USP47: variants seen among roughly 807,000 people sequenced by gnomAD.
USP47 encodes the protein ubiquitin specific peptidase 47.
USP47 carries 35 observed loss-of-function variants against 165.1 expected under a neutral mutation model. The ratio of observed to expected loss-of-function variants is 0.21; its 90% CI spans 0.16 to 0.28. The LOEUF (loss-of-function observed/expected upper bound fraction) is 0.28, where lower values mean the gene tolerates loss of function less well. Ranked by LOEUF, USP47 falls within the 10% of genes least tolerant of loss-of-function variation. The probability of loss-of-function intolerance (pLI) is 1.00; values close to 1 mark genes in which losing one functional copy is unlikely to be tolerated. For missense variants in USP47, 1,277 were observed against 1,607.4 expected (o/e 0.79, Z 3.52); for synonymous variants, 531 against 544.5 (o/e 0.98, Z 0.35).
At chr11:11,936,954 T>C (rs1855116533) in intron 17 of USP47, among the ~76,000 whole-genome samples, 2 of 152,052 alleles carry the variant, frequency 1.3e-5, no homozygotes, top group South Asian at 4.1e-4. Context: ...GAAGGGTGGA[T>C]TCATTATCCC....
chr11:11,933,655 A>G (rs1854838934), intron 15 of USP47, among the ~76,000 whole-genome samples, 176 bp from the exon 16 acceptor site: 1 of 152,052 alleles, frequency 6.6e-6, no homozygotes, highest in African/African-American at 2.4e-5. Context: ...GAATTTTTGT[A>G]TGGTGTGAGA....
intron 20 of USP47, among the ~76,000 whole-genome samples, chr11:11,946,970 A>C (rs1411301014): frequency 6.6e-6 from 1 of 152,218 alleles, no homozygotes; most frequent in Non-Finnish European, 1.5e-5. Flanking sequence ...TTGGTTTACC[A>C]GGAGTGTTTT....
At chr11:11,905,283 AT>A in intron 7 of USP47, 115 bp from the exon 8 acceptor site, 1 of 485,274 alleles carries the variant, frequency 2.1e-6, no homozygotes, top group South Asian at 9.5e-5. Flanking sequence ...GTTTTCAAAG[AT>A]TTTAGCTGTA....
intron 5 of USP47, among the ~76,000 whole-genome samples, chr11:11,901,873 C>T (rs1475459037): frequency 6.6e-6 from 1 of 150,664 alleles, no homozygotes; most frequent in African/African-American, 2.4e-5. Context: ...ACAGGAGAAT[C>T]GCTTAAAACC....
chr11:11,905,629 AG>A, intron 8 of USP47, 81 bp downstream of exon 8: 1 of 1,330,778 alleles, frequency 7.5e-7, no homozygotes, highest in African/African-American at 1.5e-5. Context: ...TTGTAAGGTA[AG>A]TATCATCCTA....
intron 20 of USP47, among the ~76,000 whole-genome samples, chr11:11,947,658 A>G (rs532123410): frequency 5.9e-5 from 9 of 151,940 alleles, no homozygotes; most frequent in African/African-American, 1.7e-4. Flanking sequence ...CTAGAAGTGT[A>G]TATATTTTAA....
In USP47 at chr11:11,956,052, G is replaced by C; in HGVS notation, c.3945G>C (p.Leu1315=). ...TGACAGATGAGCAAAGAAATGAACTGATGAAAAAAGAAAGCAGTCGACTCC... is the reference window on the plus strand; with the variant it reads ...TGACAGATGAGCAAAGAAATGAACTCATGAAAAAAGAAAGCAGTCGACTCC... ...MELTDEQRNE[L]MKKESSRLQK... The change falls in exon 28 of 28, where the codon CTG becomes CTC. Residue 1315 remains leucine (L), a synonymous_variant. Transcript: ENST00000527733. 1 of 1,602,012 alleles carries C rather than the reference G, an allele frequency of 6.2e-7. No homozygotes were observed. Among genetic ancestry groups the C allele is most frequent in the Non-Finnish European group, 8.5e-7 (1 of 1,176,496 alleles).
At chr11:11,946,831 C>T (rs1855877456) in intron 20 of USP47, among the ~76,000 whole-genome samples, 1 of 152,178 alleles carries the variant, frequency 6.6e-6, no homozygotes, top group Non-Finnish European at 1.5e-5. Flanking sequence ...ATACTTTCTT[C>T]TAATTTGTTC....
intron 1 of USP47, among the ~76,000 whole-genome samples, chr11:11,859,593 T>G (rs890668372): frequency 1.3e-5 from 2 of 152,206 alleles, no homozygotes; most frequent in African/African-American, 4.8e-5. Flanking sequence ...GTTCCTCATC[T>G]GATGAAATTC....
intron 11 of USP47, 60 bp downstream of exon 11, chr11:11,922,951 T>C: frequency 6.6e-7 from 1 of 1,511,404 alleles, no homozygotes; most frequent in Non-Finnish European, 9.1e-7. Flanking sequence ...ACTTCCTATA[T>C]AATTCTATAG....
chr11:11,912,758 T>G (rs1853095575), intron 8 of USP47, among the ~76,000 whole-genome samples: 1 of 152,082 alleles, frequency 6.6e-6, no homozygotes, highest in African/African-American at 2.4e-5. Flanking sequence ...GTTGGTAAAA[T>G]TCTTTCCAAA....
chr11:11,956,413 TAAAA>T lies in USP47; in HGVS notation c.*244_*247del, dbSNP rs200549894. 71 of 337,606 alleles carry T rather than the reference TAAAA, an allele frequency of 2.1e-4. No individual in the cohort carries two copies. Among genetic ancestry groups the T allele is most frequent in the East Asian group, 6.3e-4 (14 of 22,142 alleles). 20.9% of individuals were successfully genotyped at this position (337,606 alleles called of 1,614,324 possible). A position where few individuals can be genotyped will look rare whatever the true frequency, so the allele number is the denominator to read the frequency against. ...AAGTGAAAAGGGATGTGCAAAAAAA[TAAAA>T]AAAAACAACAAAAAAAGCTAACCTT... is the stretch of plus-strand genomic sequence containing the variant. On this transcript the variant is annotated 3_prime_UTR_variant, in exon 28 of 28. Transcript: ENST00000527733.
intron 1 of USP47, among the ~76,000 whole-genome samples, chr11:11,855,653 C>G (rs1030906346): frequency 6.6e-6 from 1 of 152,184 alleles, no homozygotes; most frequent in Non-Finnish European, 1.5e-5. Flanking sequence ...TTTACAACCT[C>G]AGTGAAATTT....
intron 13 of USP47, 57 bp from the exon 14 acceptor site, chr11:11,930,639 G>T: frequency 7.9e-7 from 1 of 1,262,550 alleles, no homozygotes; most frequent in South Asian, 1.3e-5. Flanking sequence ...ATGCTTAGAA[G>T]TGGAATCTTT....
At chr11:11,885,925 G>A (rs943117825) in intron 3 of USP47, among the ~76,000 whole-genome samples, 2 of 152,188 alleles carry the variant, frequency 1.3e-5, no homozygotes, top group Admixed American at 1.3e-4. Context: ...CTTCACTGGT[G>A]ATACCTCCAG....
intron 1 of USP47, among the ~76,000 whole-genome samples, chr11:11,870,531 A>C (rs1361695574): frequency 6.6e-6 from 1 of 152,118 alleles, no homozygotes; most frequent in Non-Finnish European, 1.5e-5. Context: ...CCTGTAGGGT[A>C]GTTCCACTGG....
At chr11:11,861,384 C>T (rs1849376653) in intron 1 of USP47, among the ~76,000 whole-genome samples, 1 of 152,170 alleles carries the variant, frequency 6.6e-6, no homozygotes, top group Non-Finnish European at 1.5e-5. Context: ...GCGTGAGCTA[C>T]CACACCCGGC....
At chr11:11,884,755 C>A in intron 3 of USP47, 175 bp downstream of exon 3, 1 of 517,938 alleles carries the variant, frequency 1.9e-6, no homozygotes, top group Non-Finnish European at 3.4e-6. Context: ...TTACACTGGA[C>A]ATCCACAGCA....
At chr11:11,907,244 C>A (rs1852630952) in intron 8 of USP47, among the ~76,000 whole-genome samples, 1 of 152,124 alleles carries the variant, frequency 6.6e-6, no homozygotes, top group African/African-American at 2.4e-5. Context: ...GTAGTATCCT[C>A]CACTGATGAT....
Sources: allele counts gnomAD v4.1 joint callset (sites outside exome capture counted in the v4.1 genomes callset), GRCh38; gene constraint gnomAD v4.1.1; transcripts MANE v1.5; gene names NCBI Gene and HGNC (gene_info 2026-07-23, HGNC 2026-07-21).